The following CELSR1 variants were observed in gnomAD, a reference collection of about 807,000 sequenced individuals.
CELSR1 encodes the protein adhesion G protein-coupled receptor C1.
In CELSR1, 110 loss-of-function variants were observed where a neutral mutation model predicts 249.1. The observed-to-expected ratio is 0.44, with a 90% confidence interval of 0.38 to 0.52. The LOEUF (loss-of-function observed/expected upper bound fraction) is 0.52. Ranked by LOEUF, CELSR1 falls within the 20% of genes least tolerant of loss-of-function variation. CELSR1 has a pLI of 0.00. For synonymous variants in CELSR1, 2,113 were observed against 1,900.0 expected (o/e 1.11, Z -2.92); for missense variants, 4,109 against 4,296.4 (o/e 0.96, Z 1.22).
At chr22:46,496,826 CAG>C (rs755718486) in intron 1 of CELSR1, among the ~76,000 whole-genome samples, 1 of 152,138 alleles carries the variant, frequency 6.6e-6, no homozygotes, top group South Asian at 2.1e-4. Flanking sequence ...CCTGAAGGGC[CAG>C]ACTGAGGCTA....
chr22:46,535,509 C>T lies in CELSR1; in HGVS notation c.1662G>A (p.Gln554=). ...GCTCGTTGTCGTTGACATCCAGCAC[C>T]TGCACAGACACCACCCCTGAAGAAT... ...LINSSGVVSV[Q]VLDVNDNEPI... is the part of the protein sequence containing the mutation. The change falls in exon 1 of 35, where the codon CAG becomes CAA. Residue 554 remains glutamine (Q), a synonymous_variant. Transcript: ENST00000674500. The T allele has an allele frequency of 6.2e-7, 1 of 1,613,090 alleles. No homozygotes were observed. Among genetic ancestry groups the T allele is most frequent in the Non-Finnish European group, 8.5e-7 (1 of 1,179,960 alleles).
chr22:46,420,979 G>A (rs1014093855), intron 5 of CELSR1, among the ~76,000 whole-genome samples: 32 of 152,128 alleles, frequency 2.1e-4, no homozygotes, highest in African/African-American at 7.5e-4. Context: ...ACGTCCCAGA[G>A]CAGCGGATAC....
At chr22:46,388,692 C>T (rs1020919784) in intron 18 of CELSR1, among the ~76,000 whole-genome samples, 10 of 152,220 alleles carry the variant, frequency 6.6e-5, no homozygotes, top group African/African-American at 2.2e-4. Flanking sequence ...CTGGAGCCCC[C>T]GAAAGCAGTT....
rs982153436 is a variant in CELSR1, at chr22:46,389,519, G to A, written c.6346-20C>T. Reference sequence around the variant, plus strand: ...CTCATTCTGGAACAGGGAGGCAGTCGTGATGTGTGCAAACCCACTTCGGCC... The same window carrying A: ...CTCATTCTGGAACAGGGAGGCAGTCATGATGTGTGCAAACCCACTTCGGCC... On this transcript the variant is annotated intron_variant, in intron 17 of 34. Transcript: ENST00000674500. 37 of 1,612,012 alleles carry A rather than the reference G, an allele frequency of 2.3e-5. No homozygotes were observed. Among genetic ancestry groups the A allele is most frequent in the Non-Finnish European group, 2.4e-5 (28 of 1,179,580 alleles).
intron 1 of CELSR1, among the ~76,000 whole-genome samples, chr22:46,479,743 G>A (rs775457071): frequency 5.3e-5 from 8 of 152,164 alleles, no homozygotes; most frequent in Non-Finnish European, 1.2e-4. Flanking sequence ...GTAATAAGCT[G>A]GTGAGAATAC....
Position 46,361,834 on chromosome 22 carries a change from A to C in CELSR1, c.*1389T>G, listed in dbSNP as rs1302915649. On this transcript the variant is annotated 3_prime_UTR_variant, in exon 35 of 35. Coordinates refer to ENST00000674500, the MANE Select transcript of CELSR1 (RefSeq NM_001378328.1). ...GGGCACCTGATTTGAAGAACAAAGGAAACGCTAAAATCAAACATGTCTGAC... is the reference window on the plus strand; with the variant it reads ...GGGCACCTGATTTGAAGAACAAAGGCAACGCTAAAATCAAACATGTCTGAC... 4 of 152,274 alleles carry C rather than the reference A, an allele frequency of 2.6e-5. No individual in the cohort carries two copies. Among genetic ancestry groups the C allele is most frequent in the Admixed American group, 6.5e-5 (1 of 15,294 alleles). 9.4% of individuals were successfully genotyped at this position (152,274 alleles called of 1,614,324 possible). A position where few individuals can be genotyped will look rare whatever the true frequency, so the allele number is the denominator to read the frequency against.
At position 46,448,573 on chromosome 22, in the gene CELSR1, G is replaced by C. The variant is rs549511892; in HGVS notation, c.4184-9162C>G. ...CTTTCTGGTCCTAAGAAACAGCTAA[G>C]AGCTTTGAACTAGAAAAACTAGAAT... On this transcript the variant is annotated intron_variant, in intron 2 of 34. Transcript: ENST00000674500. The surrounding 1 kb of genome is among the most constrained non-coding windows in gnomAD (Gnocchi z 5.7). 2.7e-4 allele frequency: 120 copies of C among 440,094 alleles called. 1 individual carries two copies. The highest frequency in any genetic ancestry group is 1.9e-3 in the South Asian group (111 of 59,506). The allele number at this position is 440,094 out of a possible 1,614,324, so 27.3% of individuals were successfully genotyped here.
Position 46,464,475 on chromosome 22 carries a change from T to G in CELSR1, c.3545-130A>C. ...AGAGCCTGGGCATCCCCACTCCCCA[T>G]TCCCCACCCATGACCACCACCTTGA... On this transcript the variant is annotated intron_variant, in intron 1 of 34. Coordinates refer to ENST00000674500, the MANE Select transcript of CELSR1 (RefSeq NM_001378328.1). The surrounding 1 kb of genome is among the most constrained non-coding windows in gnomAD (Gnocchi z 8.5). The G allele has an allele frequency of 1.2e-5, 11 of 907,210 alleles. No homozygotes were observed. Among genetic ancestry groups the G allele is most frequent in the East Asian group, 5.3e-5 (2 of 38,040 alleles). The allele number at this position is 907,210 out of a possible 1,614,324, so 56.2% of individuals were successfully genotyped here.
Position 46,381,143 on chromosome 22 carries a change from C to T in CELSR1, c.7089-188G>A, listed in dbSNP as rs1431116049. 6.6e-6 allele frequency among the ~76,000 whole-genome samples: 1 copy of T among 152,160 alleles called. No individual in the cohort carries two copies. Among genetic ancestry groups the T allele is most frequent in the Non-Finnish European group, 1.5e-5 (1 of 68,026 alleles). ...AGAGCAGGTTTTATCACTGACAGGG[C>T]ACACAGAGAGAGGTGTCACCTTTGG... On this transcript the variant is annotated intron_variant, in intron 21 of 34. Coordinates refer to ENST00000674500, the MANE Select transcript of CELSR1 (RefSeq NM_001378328.1). The surrounding 1 kb of genome is among the most constrained non-coding windows in gnomAD (Gnocchi z 6.0).
intron 5 of CELSR1, among the ~76,000 whole-genome samples, chr22:46,432,599 A>C (rs1341469125): frequency 2.0e-5 from 3 of 152,248 alleles, no homozygotes; most frequent in Non-Finnish European, 2.9e-5. Context: ...TGATGCAAAA[A>C]ACAATGTGTT....
intron 19 of CELSR1, among the ~76,000 whole-genome samples, chr22:46,385,148 G>A (rs1383208471): frequency 6.6e-6 from 1 of 152,110 alleles, no homozygotes; most frequent in African/African-American, 2.4e-5. Context: ...AGGCTGGAGT[G>A]CAGTAGCACA....
chr22:46,436,168 C>A lies in CELSR1; in HGVS notation c.4522+6G>T. 1 of 1,609,580 alleles carries A rather than the reference C, an allele frequency of 6.2e-7. No homozygotes were observed. The highest frequency in any genetic ancestry group is 8.5e-7 in the Non-Finnish European group (1 of 1,176,176). The stretch of plus-strand genomic sequence containing the variant: ...AGAGCTGCCCTTCCTGGGGAGAAGG[C>A]CCCACCTGCAGAGAAGGTGAGCTGC... On this transcript the variant is annotated splice_donor_region_variant and intron_variant, in intron 4 of 34. Transcript: ENST00000674500. The surrounding 1 kb of genome is among the most constrained non-coding windows in gnomAD (Gnocchi z 5.9).
intron 1 of CELSR1, among the ~76,000 whole-genome samples, chr22:46,499,960 C>T (rs1253374966): frequency 3.3e-5 from 5 of 152,280 alleles, no homozygotes; most frequent in Admixed American, 1.3e-4. Flanking sequence ...CACCACCCAG[C>T]GGCCGCCCCC....
At position 46,478,330 on chromosome 22, in the gene CELSR1, C is replaced by T. The variant is rs61032145; in HGVS notation, c.3545-13985G>A. Reference sequence around the variant, plus strand: ...AACCAGAAAGCCACCTCTCTGCCCTCGTCCTGGAAAAATGGGCCAAATTCC... The same window carrying T: ...AACCAGAAAGCCACCTCTCTGCCCTTGTCCTGGAAAAATGGGCCAAATTCC... On this transcript the variant is annotated intron_variant, in intron 1 of 34. Transcript: ENST00000674500. 4.6e-5 allele frequency among the ~76,000 whole-genome samples: 7 copies of T among 152,304 alleles called. No homozygotes were observed. In the East Asian group the frequency reaches 1.2e-3, roughly 25 times the overall value.
At chr22:46,482,561 A>G (rs1161017071) in intron 1 of CELSR1, among the ~76,000 whole-genome samples, 1 of 152,136 alleles carries the variant, frequency 6.6e-6, no homozygotes, top group Non-Finnish European at 1.5e-5. Flanking sequence ...TCACAGAGGA[A>G]GTGGGTGGCA....
chr22:46,513,083 T>G (rs2080590100), intron 1 of CELSR1, among the ~76,000 whole-genome samples: 2 of 152,226 alleles, frequency 1.3e-5, no homozygotes, highest in South Asian at 4.2e-4. Flanking sequence ...GTGAGTGACT[T>G]CTGGGGCGAG....
At chr22:46,511,117 AAC>A (rs10694625) in intron 1 of CELSR1, among the ~76,000 whole-genome samples, 3 of 149,730 alleles carry the variant, frequency 2.0e-5, no homozygotes, top group African/African-American at 4.9e-5. Context: ...TCGTCTCAAA[AAC>A]ACACACACAC....
At position 46,471,904 on chromosome 22, in the gene CELSR1, G is replaced by C. The variant is rs1490570936; in HGVS notation, c.3545-7559C>G. ...CAGGGGCTGCGGTCTGTGGCCTTCA[G>C]GTGATGACGACTTTCTGCCTCACGC... On this transcript the variant is annotated intron_variant, in intron 1 of 34. Transcript: ENST00000674500. This position sits in a 1 kb window ranked among gnomAD's most constrained non-coding sequence, Gnocchi z 4.9. 6.6e-6 allele frequency among the ~76,000 whole-genome samples: 1 copy of C among 152,162 alleles called. No homozygotes were observed. Among genetic ancestry groups the C allele is most frequent in the Non-Finnish European group, 1.5e-5 (1 of 68,038 alleles).
In CELSR1 at chr22:46,518,438, G is replaced by C. The variant is rs575554861; in HGVS notation, c.3544+15189C>G. On this transcript the variant is annotated intron_variant, in intron 1 of 34. Coordinates refer to ENST00000674500, the MANE Select transcript of CELSR1 (RefSeq NM_001378328.1). The surrounding 1 kb of genome is among the most constrained non-coding windows in gnomAD (Gnocchi z 5.2). ...AACCGATGGTGTGCTCGGGCATTCG[G>C]GTGGACAGACTGCAGATCCCACTGA... Among the ~76,000 whole-genome samples the C allele has an allele frequency of 6.6e-5, 10 of 152,326 alleles. No homozygotes were observed. Among genetic ancestry groups the C allele is most frequent in the Non-Finnish European group, 1.3e-4 (9 of 68,026 alleles).
Sources: gnomAD v4.1 joint callset for allele counts (sites outside exome capture counted in the v4.1 genomes callset) on GRCh38, gnomAD v4.1.1 for gene constraint, Gnocchi (gnomAD v3.1) non-coding constraint, MANE v1.5 for transcripts, NCBI Gene and HGNC (gene_info 2026-07-23, HGNC 2026-07-21) for gene names.